Variants in MPND observed in about 807,000 individuals in gnomAD.
The protein encoded by MPND is MPN domain-containing protein.
Under a neutral mutation model 59.2 loss-of-function variants are expected in MPND, and 56 were observed. That is an observed-to-expected ratio of 0.95 (90% confidence interval 0.76 to 1.18). The LOEUF (loss-of-function observed/expected upper bound fraction) is 1.18. MPND is among the 50% of genes most tolerant of loss of function. The pLI, the probability that MPND is intolerant of heterozygous loss-of-function variation, is 0.00. For missense variants in MPND, 671 were observed against 676.0 expected (o/e 0.99, Z 0.08); for synonymous variants, 323 against 291.9 (o/e 1.11, Z -1.09).
rs768425864 is a variant in MPND at position 4,345,923 on chromosome 19, A to G, written c.473A>G (p.Tyr158Cys). The G allele has an allele frequency of 4.3e-6, 7 of 1,613,728 alleles. No individual in the cohort carries two copies. The highest frequency in any genetic ancestry group is 3.3e-5 in the Admixed American group (2 of 60,026). ...VKYKGQKLDK[Y>C]KATWLRLHQL... ...TACAAAGGCCAGAAACTGGACAAGTACAAGGCCACCTGGCTCCGGCTGCAC... is the reference window on the plus strand; with the variant it reads ...TACAAAGGCCAGAAACTGGACAAGTGCAAGGCCACCTGGCTCCGGCTGCAC... The change falls in exon 3 of 13, where the codon TAC (tyrosine) becomes TGC (cysteine). Residue 158 changes from tyrosine (Y) to cysteine (C), a missense_variant. Tyr to Cys is a radical substitution (Grantham distance 194). Transcript: ENST00000599840.
intron 2 of MPND, among the ~76,000 whole-genome samples, chr19:4,344,633 A>G (rs1972144430): frequency 6.6e-6 from 1 of 152,152 alleles, no homozygotes; most frequent in South Asian, 2.1e-4. Flanking sequence ...GTGAAATGGA[A>G]TATTTCCCCA....
At position 4,355,192 on chromosome 19, in the gene MPND, G is replaced by A; in HGVS notation, c.996+19G>A. ...AGAGGAGGTGAGGGGCTACCTGGGAGGTGGCATTCTGGGGAGGGTTGGGAA... is the reference window on the plus strand; with the variant it reads ...AGAGGAGGTGAGGGGCTACCTGGGAAGTGGCATTCTGGGGAGGGTTGGGAA... On this transcript the variant is annotated intron_variant, in intron 8 of 12. Coordinates refer to ENST00000599840, the MANE Select transcript of MPND (RefSeq NM_001300862.2). The A allele has an allele frequency of 6.2e-7, 1 of 1,611,970 alleles. No individual in the cohort carries two copies.
intron 9 of MPND, 34 bp from the exon 10 acceptor site, chr19:4,357,481 C>G: frequency 6.2e-7 from 1 of 1,611,392 alleles, no homozygotes; most frequent in Non-Finnish European, 8.5e-7. Flanking sequence ...AGCCGAGCCT[C>G]CCAGGGCCAA....
At position 4,359,992 on chromosome 19, in the gene MPND, AG is replaced by A. The variant is rs1568402720; in HGVS notation, c.1500del (p.Ser501AlafsTer?). On this transcript the variant is annotated frameshift_variant, in exon 13 of 13. Coordinates refer to ENST00000599840, the MANE Select transcript of MPND (RefSeq NM_001300862.2). LOFTEE classifies it high-confidence loss of function. Reference protein sequence around the residue: ...VLEQVCGVLKQGS With the variant: ...VLEQVCGVLKXGS ...GAACAGGTGTGCGGCGTCCTCAAGC[AG>A]GGGAGCTGAGCCTTCCAGGGCAGGG... The A allele has an allele frequency of 6.4e-7, 1 of 1,562,254 alleles. No individual in the cohort carries two copies. The highest frequency in any genetic ancestry group is 1.9e-5 in the Admixed American group (1 of 53,288).
intron 5 of MPND, 25 bp from the exon 6 acceptor site, chr19:4,354,299 T>C: frequency 1.9e-6 from 3 of 1,546,906 alleles, no homozygotes; most frequent in Non-Finnish European, 2.6e-6. Context: ...TTCCTGAGAC[T>C]GTGCGACCCT....
At chr19:4,348,993 G>A in intron 3 of MPND, 1 of 216,970 alleles carries the variant, frequency 4.6e-6, no homozygotes, top group East Asian at 1.1e-4. Context: ...CTCAGTGCCA[G>A]CAGGAAGCAG....
In MPND at chr19:4,343,695, TCGCTGTCCGCAGCTCCGGAGC is replaced by T; in HGVS notation, c.8-4_24del. 1 of 1,195,364 alleles carries T rather than the reference TCGCTGTCCGCAGCTCCGGAGC, an allele frequency of 8.4e-7. No homozygotes were observed. The highest frequency in any genetic ancestry group is 4.2e-5 in the South Asian group (1 of 24,070). The allele number at this position is 1,195,364 out of a possible 1,614,324, so 74.0% of individuals were successfully genotyped here. A position where few individuals can be genotyped will look rare whatever the true frequency, so the allele number is the denominator to read the frequency against. ...GGGCGAGCGGCCTCCCTGCAGCCTC[TCGCTGTCCGCAGCTCCGGAGC>T]CGCTGTCCCCGGCGGGCGGTGCGGG... On this transcript the variant is annotated splice_acceptor_variant and splice_polypyrimidine_tract_variant and coding_sequence_variant and intron_variant, in exon 2 of 13. Transcript: ENST00000599840. LOFTEE classifies it high-confidence loss of function.
At chr19:4,343,679 G>A (rs1370339240) in intron 1 of MPND, 29 bp from the exon 2 acceptor site, 2 of 1,015,810 alleles carry the variant, frequency 2.0e-6, no homozygotes, top group Non-Finnish European at 2.4e-6. Flanking sequence ...GGGGCGAGCG[G>A]CCTCCCTGCA....
chr19:4,358,250 CG>C, intron 11 of MPND, 78 bp downstream of exon 11: 1 of 1,325,356 alleles, frequency 7.5e-7, no homozygotes, highest in Non-Finnish European at 1.1e-6. Context: ...TGCTTCCCAC[CG>C]GTGGGCTTGG....
intron 4 of MPND, among the ~76,000 whole-genome samples, 188 bp downstream of exon 4, chr19:4,353,217 C>T (rs971644663): frequency 6.6e-6 from 1 of 152,152 alleles, no homozygotes; most frequent in Non-Finnish European, 1.5e-5. Context: ...CCCAGTTTTA[C>T]TCACTGCCTT....
At position 4,345,084 on chromosome 19, in the gene MPND, G is replaced by T. The variant is rs1175016772; in HGVS notation, c.295-661G>T. Among the ~76,000 whole-genome samples, 357 of 85,166 alleles carry T rather than the reference G, an allele frequency of 4.2e-3. No individual in the cohort carries two copies. In the Middle Eastern group the frequency reaches 0.061, roughly 15 times the overall value. The allele number at this position is 85,166 out of a possible 152,430, so 55.9% of individuals were successfully genotyped here. A position where few individuals can be genotyped will look rare whatever the true frequency, so the allele number is the denominator to read the frequency against. On this transcript the variant is annotated intron_variant, in intron 2 of 12. Transcript: ENST00000599840. The stretch of plus-strand genomic sequence containing the variant: ...TTTTTTTGAGACAGAGTCTCGCGCT[G>T]TTGCCCAGGCTGGAATGCAGTAGCA...
At chr19:4,359,494 G>A (rs541148912) in intron 12 of MPND, among the ~76,000 whole-genome samples, 2 of 152,250 alleles carry the variant, frequency 1.3e-5, no homozygotes, top group South Asian at 4.1e-4. Context: ...GGTTTTGGGA[G>A]TGGCTCCCCT....
intron 11 of MPND, among the ~76,000 whole-genome samples, chr19:4,358,919 G>C (rs1435707338): frequency 1.3e-5 from 2 of 152,156 alleles, no homozygotes; most frequent in African/African-American, 4.8e-5. Flanking sequence ...CTCGGTGAGT[G>C]CAGGTCCAGG....
chr19:4,359,249 G>A lies in MPND; in HGVS notation c.1413G>A (p.Lys471=). 2.5e-6 allele frequency: 4 copies of A among 1,612,912 alleles called. No individual in the cohort carries two copies. The highest frequency in any genetic ancestry group is 2.2e-5 in the East Asian group (1 of 44,826). ...PWSQEHTYLD[K]LKISLASRTP... is the part of the protein sequence containing the mutation. ...GCCAGGAGCACACCTACCTCGACAA[G>A]CTTAAGGTGAGCCCCAAGTCCCCGC... The change falls in exon 12 of 13, where the codon AAG becomes AAA. Residue 471 remains lysine, a synonymous_variant. Coordinates refer to ENST00000599840, the MANE Select transcript of MPND (RefSeq NM_001300862.2).
At chr19:4,356,030 T>G (rs1225378073) in intron 8 of MPND, among the ~76,000 whole-genome samples, 1 of 151,518 alleles carries the variant, frequency 6.6e-6, no homozygotes, top group Non-Finnish European at 1.5e-5. Flanking sequence ...ATTTTTGTAT[T>G]TTTAGTTGAG....
In MPND at chr19:4,359,977, G is replaced by A; in HGVS notation, c.1481G>A (p.Cys494Tyr). The change falls in exon 13 of 13, where the codon TGC (cysteine) becomes TAC (tyrosine). Residue 494 changes from cysteine to tyrosine, a missense_variant. By Grantham distance (194) the Cys-to-Tyr change is radical (BLOSUM62 -2). Coordinates refer to ENST00000599840, the MANE Select transcript of MPND (RefSeq NM_001300862.2). ...QSLCHVLEQVCGVLKQGS is the reference protein window; with the variant it reads ...QSLCHVLEQVYGVLKQGS ...CTGTGTCACGTCCTGGAACAGGTGTGCGGCGTCCTCAAGCAGGGGAGCTGA... is the reference window on the plus strand; with the variant it reads ...CTGTGTCACGTCCTGGAACAGGTGTACGGCGTCCTCAAGCAGGGGAGCTGA... 1 of 1,569,540 alleles carries A rather than the reference G, an allele frequency of 6.4e-7. No individual in the cohort carries two copies. Among genetic ancestry groups the A allele is most frequent in the African/African-American group, 1.4e-5 (1 of 73,658 alleles).
At chr19:4,345,310 G>A (rs1359205382) in intron 2 of MPND, among the ~76,000 whole-genome samples, 2 of 152,150 alleles carry the variant, frequency 1.3e-5, no homozygotes, top group African/African-American at 4.8e-5. Flanking sequence ...GCCTCCCAAA[G>A]TGCTGGGATT....
chr19:4,347,804 CCTT>C (rs1348300681), intron 3 of MPND: 2 of 402,642 alleles, frequency 5.0e-6, no homozygotes, highest in African/African-American at 2.1e-5. Flanking sequence ...ACATGATCCT[CCTT>C]AGTCAGTCCA....
chr19:4,357,176 T>C lies in MPND; in HGVS notation c.997-77T>C, dbSNP rs1001069301. 5 of 1,466,774 alleles carry C rather than the reference T, an allele frequency of 3.4e-6. No individual in the cohort carries two copies. In the East Asian group the frequency reaches 1.2e-4, roughly 35 times the overall value. The allele number at this position is 1,466,774 out of a possible 1,614,324, so 90.9% of individuals were successfully genotyped here. A position where few individuals can be genotyped will look rare whatever the true frequency, so the allele number is the denominator to read the frequency against. On this transcript the variant is annotated intron_variant, in intron 8 of 12. Coordinates refer to ENST00000599840, the MANE Select transcript of MPND (RefSeq NM_001300862.2). ...GGCCTGATACACAGCAGGAATTCGT[T>C]CAGGGCTGGCCAGCCACATAAGCTC...
Sources: gnomAD v4.1 joint callset for allele counts (sites outside exome capture counted in the v4.1 genomes callset) on GRCh38, gnomAD v4.1.1 for gene constraint, MANE v1.5 for transcripts, NCBI Gene and HGNC (gene_info 2026-07-23, HGNC 2026-07-21) for gene names.